Variants in CUL5 observed in about 807,000 individuals in gnomAD.
The protein encoded by CUL5 is cullin-5.
CUL5 carries 26 observed loss-of-function variants against 108.8 expected under a neutral mutation model. The observed-to-expected ratio is 0.24, with a 90% CI of 0.18 to 0.33. The LOEUF is 0.33. Among genes scored for constraint, CUL5 ranks in the 10% least tolerant of loss-of-function variants. The pLI, the probability that CUL5 is intolerant of heterozygous loss-of-function variation, is 1.00. For missense variants in CUL5, 524 were observed against 909.2 expected (o/e 0.58, Z 5.45); for synonymous variants, 334 against 298.0 (o/e 1.12, Z -1.25).
At chr11:108,094,319 A>T in intron 13 of CUL5, 72 bp from the exon 14 acceptor site, 1 of 1,126,894 alleles carries the variant, frequency 8.9e-7, no homozygotes, top group Non-Finnish European at 1.3e-6. Flanking sequence ...TAGTTTTTCT[A>T]TTAAAATTTT....
intron 11 of CUL5, among the ~76,000 whole-genome samples, chr11:108,079,280 A>G (rs932609873): frequency 6.6e-6 from 1 of 151,812 alleles, no homozygotes; most frequent in Non-Finnish European, 1.5e-5. Flanking sequence ...ATTTTTTTGT[A>G]TTTTTAATGG....
intron 7 of CUL5, among the ~76,000 whole-genome samples, chr11:108,063,182 A>C (rs1223318879): frequency 6.6e-6 from 1 of 151,528 alleles, no homozygotes; most frequent in East Asian, 1.9e-4. Flanking sequence ...AACCATCCCT[A>C]TTTCTCCCCC....
intron 1 of CUL5, among the ~76,000 whole-genome samples, chr11:108,011,299 T>G (rs1862051739): frequency 6.6e-6 from 1 of 152,192 alleles, no homozygotes; most frequent in Non-Finnish European, 1.5e-5. Flanking sequence ...GCTATTTTGG[T>G]TCATATTAGT....
intron 7 of CUL5, among the ~76,000 whole-genome samples, chr11:108,063,611 G>A (rs971444632): frequency 2.0e-5 from 3 of 147,658 alleles, no homozygotes; most frequent in African/African-American, 7.4e-5. Context: ...AAAATTTAAA[G>A]TATAATGATA....
At chr11:108,027,865 A>T (rs1862489648) in intron 1 of CUL5, among the ~76,000 whole-genome samples, 1 of 152,160 alleles carries the variant, frequency 6.6e-6, no homozygotes, top group African/African-American at 2.4e-5. Context: ...AAAATTGATT[A>T]TTCTGTCTTT....
intron 4 of CUL5, 75 bp from the exon 5 acceptor site, chr11:108,052,585 T>G (rs773767741): frequency 2.2e-6 from 3 of 1,362,168 alleles, no homozygotes; most frequent in Non-Finnish European, 3.0e-6. Context: ...TTGATTTCCT[T>G]TTTTGGTGTT....
At chr11:108,048,086 C>G (rs1221640332) in intron 3 of CUL5, among the ~76,000 whole-genome samples, 1 of 151,714 alleles carries the variant, frequency 6.6e-6, no homozygotes. Flanking sequence ...TTAAAAAGAC[C>G]CATCTTAAAA....
chr11:108,052,771 C>G lies in CUL5; in HGVS notation c.523C>G (p.Gln175Glu). Residue 175 changes from glutamine (Q) to glutamate (E), a missense_variant, in exon 5 of 19, where the codon CAG becomes GAG. Physicochemically the swap from Gln to Glu is conservative, Grantham distance 29. Transcript: ENST00000393094. ...GAGATTGGGAGAAGCTTTTGATTCT[C>G]AGCTGGTTATTGGAGTAAGAGAATC... is the stretch of plus-strand genomic sequence containing the variant. ...AERLGEAFDS[Q>E]LVIGVRESYV... 1 of 1,613,638 alleles carries G rather than the reference C, an allele frequency of 6.2e-7. No homozygotes were observed. Among genetic ancestry groups the G allele is most frequent in the Non-Finnish European group, 8.5e-7 (1 of 1,179,786 alleles).
chr11:108,050,849 G>A (rs1863199174), intron 4 of CUL5, among the ~76,000 whole-genome samples: 1 of 152,006 alleles, frequency 6.6e-6, no homozygotes, highest in African/African-American at 2.4e-5. Context: ...TTTAAAAATT[G>A]TGTCAAGTAA....
At chr11:108,082,403 C>T (rs1162245101) in intron 11 of CUL5, among the ~76,000 whole-genome samples, 2 of 151,978 alleles carry the variant, frequency 1.3e-5, no homozygotes, top group Non-Finnish European at 2.9e-5. Flanking sequence ...ACCTCAGCCA[C>T]CTGAGTAGCT....
chr11:108,033,793 T>C lies in CUL5; in HGVS notation c.25-9T>C, dbSNP rs142855630. ...AATTAAACTCCCTTTTATCTTTTTTTTTTTCAAGAATAAAGGTTCTCTTCA... is the reference window on the plus strand; with the variant it reads ...AATTAAACTCCCTTTTATCTTTTTTCTTTTCAAGAATAAAGGTTCTCTTCA... On this transcript the variant is annotated splice_polypyrimidine_tract_variant and intron_variant, in intron 1 of 18. Coordinates refer to ENST00000393094, the MANE Select transcript of CUL5 (RefSeq NM_003478.6). The C allele has an allele frequency of 3.3e-4, 502 of 1,533,478 alleles. 8 individuals carry two copies. The East Asian group carries it at 1.0e-2, about 30-fold the overall frequency. The allele number at this position is 1,533,478 out of a possible 1,614,324, so 95.0% of individuals were successfully genotyped here. A position where few individuals can be genotyped will look rare whatever the true frequency, so the allele number is the denominator to read the frequency against.
chr11:108,043,133 C>T (rs918108411), intron 2 of CUL5, among the ~76,000 whole-genome samples: 12 of 152,204 alleles, frequency 7.9e-5, no homozygotes, highest in African/African-American at 2.9e-4. Context: ...AGTGCAGTGG[C>T]ACAATTGTAG....
chr11:108,054,187 G>T (rs1863314213), intron 5 of CUL5, among the ~76,000 whole-genome samples: 1 of 151,938 alleles, frequency 6.6e-6, no homozygotes, highest in Admixed American at 6.6e-5. Context: ...TGTTGCCCAG[G>T]GCATCTTCAC....
chr11:108,033,809 G>A lies in CUL5; in HGVS notation c.32G>A (p.Gly11Asp). MATSNLLKNKGSLQFEDKWDF... is the reference protein window; with the variant it reads MATSNLLKNKDSLQFEDKWDF... The stretch of plus-strand genomic sequence containing the variant: ...ATCTTTTTTTTTTTCAAGAATAAAG[G>A]TTCTCTTCAGTTTGAAGACAAATGG... Residue 11 changes from glycine to aspartate, a missense_variant, in exon 2 of 19, where the codon GGT becomes GAT. By Grantham distance (94) the Gly-to-Asp change is moderately conservative (BLOSUM62 -1). Transcript: ENST00000393094. The A allele has an allele frequency of 6.3e-7, 1 of 1,579,042 alleles. No individual in the cohort carries two copies. The highest frequency in any genetic ancestry group is 8.7e-7 in the Non-Finnish European group (1 of 1,155,434).
chr11:108,035,752 CAAAA>C (rs530414592), intron 2 of CUL5, among the ~76,000 whole-genome samples: 1 of 125,062 alleles, frequency 8.0e-6, no homozygotes, highest in Admixed American at 8.1e-5. Context: ...GACCTTGTCT[CAAAA>C]AAAAAAAAAA....
intron 1 of CUL5, among the ~76,000 whole-genome samples, chr11:108,028,825 A>AAAAAAAT (rs1862509301): frequency 6.6e-6 from 1 of 152,076 alleles, no homozygotes; most frequent in South Asian, 2.1e-4. Context: ...CTCCATCTCA[A>AAAAAAAT]AAAAAATAAA....
At chr11:108,080,006 T>C (rs1864035459) in intron 11 of CUL5, among the ~76,000 whole-genome samples, 1 of 152,156 alleles carries the variant, frequency 6.6e-6, no homozygotes, top group Non-Finnish European at 1.5e-5. Flanking sequence ...TTCTCACCAA[T>C]GTTTAGTGTT....
intron 13 of CUL5, among the ~76,000 whole-genome samples, chr11:108,090,623 C>T (rs1864327792): frequency 6.6e-6 from 1 of 151,932 alleles, no homozygotes; most frequent in Admixed American, 6.6e-5. Context: ...CAAAAAGAAC[C>T]TTTAAATGAT....
chr11:108,042,844 C>A (rs986027915), intron 2 of CUL5, among the ~76,000 whole-genome samples: 7 of 152,046 alleles, frequency 4.6e-5, no homozygotes, highest in Admixed American at 3.9e-4. Flanking sequence ...CTCACTGCAA[C>A]CTCCGCTTCC....
Sources: gnomAD v4.1 joint callset for allele counts (sites outside exome capture counted in the v4.1 genomes callset) on GRCh38, gnomAD v4.1.1 for gene constraint, MANE v1.5 for transcripts, NCBI Gene and HGNC (gene_info 2026-07-23, HGNC 2026-07-21) for gene names.